Variants in HECW1 observed in about 807,000 individuals in gnomAD.
HECW1 encodes the protein HECT, C2 and WW domain containing E3 ubiquitin protein ligase 1.
Under a neutral mutation model 182.3 loss-of-function variants are expected in HECW1, and 61 were observed. The observed-to-expected ratio is 0.33, with a 90% CI of 0.27 to 0.41. HECW1 has a LOEUF of 0.41. HECW1 is among the 10% of genes least tolerant of loss of function. The pLI is 1.00. For missense variants in HECW1, 1,739 were observed against 2,108.9 expected (o/e 0.82, Z 3.44); for synonymous variants, 859 against 832.6 (o/e 1.03, Z -0.55).
chr7:43,376,303 C>G (rs1305650195), intron 6 of HECW1, among the ~76,000 whole-genome samples: 1 of 152,078 alleles, frequency 6.6e-6, no homozygotes, highest in Non-Finnish European at 1.5e-5. Flanking sequence ...ACCCAACGAG[C>G]CTCAGGAACC....
intron 2 of HECW1, among the ~76,000 whole-genome samples, chr7:43,212,202 A>T (rs956392089): frequency 1.3e-5 from 2 of 152,234 alleles, no homozygotes; most frequent in African/African-American, 4.8e-5. Context: ...CAAGGCTATT[A>T]AATGAAATGC....
intron 7 of HECW1, among the ~76,000 whole-genome samples, chr7:43,399,345 G>T (rs942954451): frequency 6.6e-6 from 1 of 152,306 alleles, no homozygotes; most frequent in South Asian, 2.1e-4. Flanking sequence ...TTATAATTTT[G>T]CAGTGGTGGT....
intron 29 of HECW1, among the ~76,000 whole-genome samples, chr7:43,555,193 T>C (rs2081978210): frequency 6.6e-6 from 1 of 152,230 alleles, no homozygotes; most frequent in Admixed American, 6.5e-5. Context: ...TGATACTTCA[T>C]AGGATCATTA....
intron 3 of HECW1, among the ~76,000 whole-genome samples, chr7:43,280,223 G>A (rs963254607): frequency 5.9e-5 from 9 of 152,176 alleles, no homozygotes; most frequent in African/African-American, 2.2e-4. Context: ...GAGCCCATCT[G>A]CACTTTTGGT....
chr7:43,195,380 G>GCATC (rs902495738), intron 2 of HECW1, among the ~76,000 whole-genome samples: 2 of 152,152 alleles, frequency 1.3e-5, no homozygotes, highest in African/African-American at 4.8e-5. Context: ...ACACACAAAG[G>GCATC]CATCTCCTGG....
chr7:43,217,164 C>T (rs964561680), intron 2 of HECW1, among the ~76,000 whole-genome samples: 5 of 151,076 alleles, frequency 3.3e-5, no homozygotes, highest in Admixed American at 2.0e-4. Flanking sequence ...ATGAAAAAAG[C>T]GAGCCCTTTA....
At chr7:43,532,824 G>A (rs545948894) in intron 24 of HECW1, among the ~76,000 whole-genome samples, 108 of 152,334 alleles carry the variant, frequency 7.1e-4, no homozygotes, top group Non-Finnish European at 1.3e-3. Context: ...ATTTGGTGGG[G>A]TAGGAAGTAC....
intron 8 of HECW1, among the ~76,000 whole-genome samples, chr7:43,430,604 T>C (rs2076515382): frequency 6.6e-6 from 1 of 152,156 alleles, no homozygotes. Context: ...GATTTGTCTA[T>C]AGCTGACTGG....
chr7:43,322,194 C>T (rs1198497837), intron 5 of HECW1, among the ~76,000 whole-genome samples: 1 of 152,106 alleles, frequency 6.6e-6, no homozygotes, highest in African/African-American at 2.4e-5. Flanking sequence ...CTCAGCCTCC[C>T]GCGTAGCTGG....
chr7:43,501,183 CTTTT>C (rs567367189), intron 20 of HECW1, 26 bp from the exon 21 acceptor site: 16,545 of 735,960 alleles, frequency 0.022, 2 homozygotes, highest in Middle Eastern at 0.027. Context: ...TCTTTTCTTT[CTTTT>C]TTTTTTTTTT....
intron 3 of HECW1, among the ~76,000 whole-genome samples, chr7:43,287,061 CGTA>C (rs1804737413): frequency 6.6e-6 from 1 of 151,766 alleles, no homozygotes; most frequent in Non-Finnish European, 1.5e-5. Flanking sequence ...TGGGGAGGTA[CGTA>C]GTAGTGAACG....
chr7:43,238,253 G>A (rs544345728), intron 2 of HECW1, among the ~76,000 whole-genome samples: 89 of 152,290 alleles, frequency 5.8e-4, no homozygotes, highest in African/African-American at 2.0e-3. Flanking sequence ...GCACTGGTGG[G>A]GAGGGGTCCC....
chr7:43,468,236 C>G (rs768667409), intron 15 of HECW1, among the ~76,000 whole-genome samples: 1 of 152,138 alleles, frequency 6.6e-6, no homozygotes, highest in Non-Finnish European at 1.5e-5. Context: ...CCTCTCATGT[C>G]CAGCCTTCAA....
intron 5 of HECW1, among the ~76,000 whole-genome samples, chr7:43,326,203 C>G (rs1810757880): frequency 6.6e-6 from 1 of 152,182 alleles, no homozygotes; most frequent in South Asian, 2.1e-4. Flanking sequence ...AATCATCATC[C>G]CATATTTTAA....
intron 8 of HECW1, among the ~76,000 whole-genome samples, chr7:43,424,194 AG>A (rs2076282992): frequency 6.6e-6 from 1 of 152,204 alleles, no homozygotes; most frequent in Non-Finnish European, 1.5e-5. Flanking sequence ...TGTCTCCATC[AG>A]GCTTGTCTTG....
rs747186533 is a variant in HECW1, at chr7:43,550,595, A to G, written c.4395+4A>G. ...GCTGGTGCGCGGCTTCTACGAGGTG[A>G]GGCCCGGTGGCCTGGGGAAGGCAAG... is the stretch of plus-strand genomic sequence containing the variant. On this transcript the variant is annotated splice_donor_region_variant and intron_variant, in intron 27 of 29. Transcript: ENST00000395891. The G allele has an allele frequency of 1.9e-6, 3 of 1,595,624 alleles. No individual in the cohort carries two copies. In the South Asian group the frequency reaches 3.4e-5, roughly 18 times the overall value.
At chr7:43,510,438 C>T (rs17208834) in intron 24 of HECW1, among the ~76,000 whole-genome samples, 2 of 152,214 alleles carry the variant, frequency 1.3e-5, no homozygotes, top group East Asian at 1.9e-4. Context: ...GGAATACCTT[C>T]GCTAATTTAA....
intron 13 of HECW1, 78 bp from the exon 14 acceptor site, chr7:43,463,582 C>A: frequency 7.4e-7 from 1 of 1,346,838 alleles, no homozygotes. Context: ...CAGATTTCTC[C>A]AATTATCTGA....
chr7:43,287,657 G>A (rs899082271), intron 3 of HECW1, among the ~76,000 whole-genome samples: 2 of 151,978 alleles, frequency 1.3e-5, no homozygotes, highest in Non-Finnish European at 2.9e-5. Flanking sequence ...GTTTTTTAAA[G>A]GTTTCTCTGG....
Sources: allele counts gnomAD v4.1 joint callset (sites outside exome capture counted in the v4.1 genomes callset), GRCh38; gene constraint gnomAD v4.1.1; transcripts MANE v1.5; gene names NCBI Gene and HGNC (gene_info 2026-07-23, HGNC 2026-07-21).